Variants in FOXD1 observed in about 807,000 individuals in gnomAD.
FOXD1 encodes the protein forkhead box protein D1.
FOXD1 carries 4 observed loss-of-function variants against 2.0 expected under a neutral mutation model. That is an observed-to-expected ratio of 2.03 (90% CI 1.00 to 4.64). FOXD1 has a LOEUF of 4.64. FOXD1 is among the 30% of genes most tolerant of loss of function. The probability of loss-of-function intolerance (pLI) is 0.01; values close to 1 mark genes in which losing one functional copy is unlikely to be tolerated. For missense variants in FOXD1, 586 were observed against 647.6 expected, an observed-to-expected ratio of 0.90 and a Z score of 1.03; for synonymous variants, 354 against 328.5, an observed-to-expected ratio of 1.08 and a Z score of -0.84.
In FOXD1 at chr5:73,447,531, AGCCGCAGCCGTAGGG is replaced by A. The variant is rs1256021252; in HGVS notation, c.817_831del (p.Pro273_Gly277del). On this transcript the variant is annotated inframe_deletion, in exon 1 of 1. Transcript: ENST00000615637. This position sits in a 1 kb window ranked among gnomAD's most constrained non-coding sequence, Gnocchi z 7.8. ...GCGTAAGGCGGCAGCTGCAGGCCGT[AGCCGCAGCCGTAGGG>A]GCCGTAGCCGTAGGCATGCGGGGGC... 61 of 1,032,534 alleles carry A rather than the reference AGCCGCAGCCGTAGGG, an allele frequency of 5.9e-5. No individual in the cohort carries two copies. The highest frequency in any genetic ancestry group is 6.8e-5 in the Non-Finnish European group (59 of 863,578). The allele number at this position is 1,032,534 out of a possible 1,614,324, so 64.0% of individuals were successfully genotyped here.
chr5:73,447,388 G>A lies in FOXD1; in HGVS notation c.975C>T (p.Thr325=), dbSNP rs1426691538. ...GCGGGTGCGGCCGGTAGCCGAAGGCGGTCCGGGCCAGCTCGGCGGCCGCGC... is the reference window on the plus strand; with the variant it reads ...GCGGGTGCGGCCGGTAGCCGAAGGCAGTCCGGGCCAGCTCGGCGGCCGCGC... ...PHGAAAELAR[T]AFGYRPHPLG... Residue 325 remains threonine, a synonymous_variant, in exon 1 of 1, where the codon ACC becomes ACT. Transcript: ENST00000615637. The surrounding 1 kb of genome is among the most constrained non-coding windows in gnomAD (Gnocchi z 7.8). 6 of 982,854 alleles carry A rather than the reference G, an allele frequency of 6.1e-6. No homozygotes were observed. The South Asian group carries it at 2.7e-4, about 44-fold the overall frequency. 60.9% of individuals were successfully genotyped at this position (982,854 alleles called of 1,614,324 possible). A position where few individuals can be genotyped will look rare whatever the true frequency, so the allele number is the denominator to read the frequency against.
chr5:73,448,091 C>G lies in FOXD1; in HGVS notation c.272G>C (p.Gly91Ala), dbSNP rs748236399. The G allele has an allele frequency of 8.7e-7, 1 of 1,142,864 alleles. No homozygotes were observed. 70.8% of individuals were successfully genotyped at this position (1,142,864 alleles called of 1,614,324 possible). ...TCCTGCCCCCGCCGCCGGGGCCGGGCCCGGGGGCGCCGGGGAGCCCCCAGC... is the reference window on the plus strand; with the variant it reads ...TCCTGCCCCCGCCGCCGGGGCCGGGGCCGGGGGCGCCGGGGAGCCCCCAGC... ...PPAGGSPAPP[G>A]PAPAAGAGAG... Residue 91 changes from glycine to alanine, a missense_variant, in exon 1 of 1, where the codon GGC (glycine) becomes GCC (alanine). Gly to Ala is a moderately conservative substitution (Grantham distance 60). Transcript: ENST00000615637.
chr5:73,447,589 G>A lies in FOXD1; in HGVS notation c.774C>T (p.Phe258=). The change falls in exon 1 of 1, where the codon TTC becomes TTT. Residue 258 remains phenylalanine, a synonymous_variant. Coordinates refer to ENST00000615637, the MANE Select transcript of FOXD1 (RefSeq NM_004472.3). The surrounding 1 kb of genome is among the most constrained non-coding windows in gnomAD (Gnocchi z 7.8). ...GCGGGGGCGGCGGGGGCGCGGGCGG[G>A]AAGAGCGCGGCGGCGGCTGCCGGGT... The part of the protein sequence containing the change: ...AGDPAAAAAL[F]PPAPPPPPHA... 2 of 1,162,026 alleles carry A rather than the reference G, an allele frequency of 1.7e-6. No individual in the cohort carries two copies. The highest frequency in any genetic ancestry group is 1.1e-6 in the Non-Finnish European group (1 of 938,388). The allele number at this position is 1,162,026 out of a possible 1,614,324, so 72.0% of individuals were successfully genotyped here.
chr5:73,446,478 T>C lies in FOXD1; in HGVS notation c.*487A>G, dbSNP rs1334952463. 1 of 156,758 alleles carries C rather than the reference T, an allele frequency of 6.4e-6. No homozygotes were observed. Among genetic ancestry groups the C allele is most frequent in the African/African-American group, 2.4e-5 (1 of 41,474 alleles). The allele number at this position is 156,758 out of a possible 1,614,324, so 9.7% of individuals were successfully genotyped here. On this transcript the variant is annotated 3_prime_UTR_variant, in exon 1 of 1. Coordinates refer to ENST00000615637, the MANE Select transcript of FOXD1 (RefSeq NM_004472.3). ...TTTTCTTGTGTAAACATGTTAACCA[T>C]TTTTCCTTTTCATGAAAAAGTACAC...
chr5:73,447,181 G>C lies in FOXD1; in HGVS notation c.1182C>G (p.Pro394=). 1 of 1,034,982 alleles carries C rather than the reference G, an allele frequency of 9.7e-7. No individual in the cohort carries two copies. Among genetic ancestry groups the C allele is most frequent in the Non-Finnish European group, 1.2e-6 (1 of 865,910 alleles). 64.1% of individuals were successfully genotyped at this position (1,034,982 alleles called of 1,614,324 possible). A position where few individuals can be genotyped will look rare whatever the true frequency, so the allele number is the denominator to read the frequency against. ...GAGCTGGCGGCGCCGCCACCGGCGAGGGCGAGGGCGAGGCCTGAGCGGCGG... is the reference window on the plus strand; with the variant it reads ...GAGCTGGCGGCGCCGCCACCGGCGACGGCGAGGGCGAGGCCTGAGCGGCGG... ...AAAAAQASPS[P]SPVAAPPAPG... is the part of the protein sequence containing the mutation. Residue 394 remains proline, a synonymous_variant, in exon 1 of 1, where the codon CCC becomes CCG. Coordinates refer to ENST00000615637, the MANE Select transcript of FOXD1 (RefSeq NM_004472.3). This position sits in a 1 kb window ranked among gnomAD's most constrained non-coding sequence, Gnocchi z 7.8.
At position 73,447,190 on chromosome 5, in the gene FOXD1, C is replaced by T. The variant is rs1745514785; in HGVS notation, c.1173G>A (p.Ser391=). 9.8e-7 allele frequency: 1 copy of T among 1,019,300 alleles called. No individual in the cohort carries two copies. Among genetic ancestry groups the T allele is most frequent in the Non-Finnish European group, 1.2e-6 (1 of 855,840 alleles). The allele number at this position is 1,019,300 out of a possible 1,614,324, so 63.1% of individuals were successfully genotyped here. Residue 391 remains serine (S), a synonymous_variant, in exon 1 of 1, where the codon TCG becomes TCA. Coordinates refer to ENST00000615637, the MANE Select transcript of FOXD1 (RefSeq NM_004472.3). The surrounding 1 kb of genome is among the most constrained non-coding windows in gnomAD (Gnocchi z 7.8). ...AAQAAAAAQA[S]PSPSPVAAPP... ...GCGCCGCCACCGGCGAGGGCGAGGG[C>T]GAGGCCTGAGCGGCGGCGGCGGCCT... is the stretch of plus-strand genomic sequence containing the variant.
At position 73,446,726 on chromosome 5, in the gene FOXD1, C is replaced by T. The variant is rs1037122698; in HGVS notation, c.*239G>A. 1.6e-5 allele frequency: 7 copies of T among 444,060 alleles called. No homozygotes were observed. The highest frequency in any genetic ancestry group is 4.2e-5 in the African/African-American group (2 of 47,734). 27.5% of individuals were successfully genotyped at this position (444,060 alleles called of 1,614,324 possible). A position where few individuals can be genotyped will look rare whatever the true frequency, so the allele number is the denominator to read the frequency against. On this transcript the variant is annotated 3_prime_UTR_variant, in exon 1 of 1. Transcript: ENST00000615637. Reference sequence around the variant, plus strand: ...CCCGGCACCCTCTTCCTCCCTACCCCAGGTCGGGGGTTGGGGGGCTGTAGC... The same window carrying T: ...CCCGGCACCCTCTTCCTCCCTACCCTAGGTCGGGGGTTGGGGGGCTGTAGC...
In FOXD1 at chr5:73,447,994, C is replaced by T; in HGVS notation, c.369G>A (p.Leu123=). 1 of 1,471,368 alleles carries T rather than the reference C, an allele frequency of 6.8e-7. No homozygotes were observed. Among genetic ancestry groups the T allele is most frequent in the Non-Finnish European group, 9.0e-7 (1 of 1,105,458 alleles). The allele number at this position is 1,471,368 out of a possible 1,614,324, so 91.1% of individuals were successfully genotyped here. A position where few individuals can be genotyped will look rare whatever the true frequency, so the allele number is the denominator to read the frequency against. The part of the protein sequence containing the change: ...GSAGSGAKNP[L]VKPPYSYIAL... ...CGATATACGAGTAGGGCGGCTTCACCAGCGGGTTCTTGGCGCCGCTACCCG... is the reference window on the plus strand; with the variant it reads ...CGATATACGAGTAGGGCGGCTTCACTAGCGGGTTCTTGGCGCCGCTACCCG... Residue 123 remains leucine, a synonymous_variant, in exon 1 of 1, where the codon CTG becomes CTA. Transcript: ENST00000615637. The surrounding 1 kb of genome is among the most constrained non-coding windows in gnomAD (Gnocchi z 7.8).
Position 73,447,982 on chromosome 5 carries a change from G to C in FOXD1, c.381C>G (p.Pro127=), listed in dbSNP as rs770259194. The change falls in exon 1 of 1, where the codon CCC becomes CCG. Residue 127 remains proline (P), a synonymous_variant. Transcript: ENST00000615637. The surrounding 1 kb of genome is among the most constrained non-coding windows in gnomAD (Gnocchi z 7.8). ...SGAKNPLVKP[P]YSYIALITMA... is the part of the protein sequence containing the mutation. ...TAGTGATGAGCGCGATATACGAGTA[G>C]GGCGGCTTCACCAGCGGGTTCTTGG... 14 of 1,514,518 alleles carry C rather than the reference G, an allele frequency of 9.2e-6. No homozygotes were observed. Among genetic ancestry groups the C allele is most frequent in the Middle Eastern group, 1.8e-4 (1 of 5,514 alleles). 93.8% of individuals were successfully genotyped at this position (1,514,518 alleles called of 1,614,324 possible). A position where few individuals can be genotyped will look rare whatever the true frequency, so the allele number is the denominator to read the frequency against.
Position 73,447,060 on chromosome 5 carries a change from A to AGGC in FOXD1, c.1300_1302dup (p.Ala434dup), listed in dbSNP as rs1261592389. 7.3e-5 allele frequency: 110 copies of AGGC among 1,516,580 alleles called. No individual in the cohort carries two copies. Among genetic ancestry groups the AGGC allele is most frequent in the Non-Finnish European group, 9.1e-5 (103 of 1,131,358 alleles). The allele number at this position is 1,516,580 out of a possible 1,614,324, so 93.9% of individuals were successfully genotyped here. A position where few individuals can be genotyped will look rare whatever the true frequency, so the allele number is the denominator to read the frequency against. On this transcript the variant is annotated inframe_insertion, in exon 1 of 1. Coordinates refer to ENST00000615637, the MANE Select transcript of FOXD1 (RefSeq NM_004472.3). This position sits in a 1 kb window ranked among gnomAD's most constrained non-coding sequence, Gnocchi z 7.8. ...AAGGCGGCGGACGAGGAGACTGAGG[A>AGGC]GGCGGCGGCGGCCGCGGCGGCCACG...
Position 73,448,086 on chromosome 5 carries a change from C to A in FOXD1, c.277G>T (p.Ala93Ser). The change falls in exon 1 of 1, where the codon GCC becomes TCC. Residue 93 changes from alanine to serine, a missense_variant. Around this residue, in one of 4 missense-constraint regions of FOXD1, gnomAD observed 183 missense variants for 159.2 expected, o/e 1.15. Coordinates refer to ENST00000615637, the MANE Select transcript of FOXD1 (RefSeq NM_004472.3). The stretch of plus-strand genomic sequence containing the variant: ...CCGGCTCCTGCCCCCGCCGCCGGGG[C>A]CGGGCCCGGGGGCGCCGGGGAGCCC... Reference protein sequence around the residue: ...AGGSPAPPGPAPAAGAGAGGG... With the variant: ...AGGSPAPPGPSPAAGAGAGGG... 1 of 1,127,604 alleles carries A rather than the reference C, an allele frequency of 8.9e-7. No homozygotes were observed. The highest frequency in any genetic ancestry group is 1.1e-6 in the Non-Finnish European group (1 of 920,304). 69.8% of individuals were successfully genotyped at this position (1,127,604 alleles called of 1,614,324 possible).
rs2112139832 is a variant in FOXD1 at position 73,447,663 on chromosome 5, C to T, written c.700G>A (p.Ala234Thr). 1.9e-6 allele frequency: 3 copies of T among 1,575,586 alleles called. No homozygotes were observed. The highest frequency in any genetic ancestry group is 2.2e-4 in the Middle Eastern group (1 of 4,538). ...QPLLPPNAAAAESLLLRGAGA... is the reference protein window; with the variant it reads ...QPLLPPNAAATESLLLRGAGA... Reference sequence around the variant, plus strand: ...GCGCCGCGCAGCAGCAGAGACTCGGCGGCCGCGGCGTTGGGTGGGAGCAGC... The same window carrying T: ...GCGCCGCGCAGCAGCAGAGACTCGGTGGCCGCGGCGTTGGGTGGGAGCAGC... Residue 234 changes from alanine (A) to threonine (T), a missense_variant, in exon 1 of 1, where the codon GCC becomes ACC. Physicochemically the swap from Ala to Thr is moderately conservative, Grantham distance 58 (BLOSUM62 0). This residue lies in a region of FOXD1 where 253 missense variants were observed against 234.4 expected (regional missense o/e 1.08). Transcript: ENST00000615637. The surrounding 1 kb of genome is among the most constrained non-coding windows in gnomAD (Gnocchi z 7.8).
chr5:73,447,686 A>G lies in FOXD1; in HGVS notation c.677T>C (p.Leu226Pro). 6.2e-7 allele frequency: 1 copy of G among 1,601,974 alleles called. No individual in the cohort carries two copies. Among genetic ancestry groups the G allele is most frequent in the Non-Finnish European group, 8.5e-7 (1 of 1,175,448 alleles). Residue 226 changes from leucine to proline, a missense_variant, in exon 1 of 1, where the codon CTG becomes CCG. Around this residue, in one of 4 missense-constraint regions of FOXD1, gnomAD observed 253 missense variants for 234.4 expected, o/e 1.08. Coordinates refer to ENST00000615637, the MANE Select transcript of FOXD1 (RefSeq NM_004472.3). The surrounding 1 kb of genome is among the most constrained non-coding windows in gnomAD (Gnocchi z 7.8). The stretch of plus-strand genomic sequence containing the variant: ...GGCGGCCGCGGCGTTGGGTGGGAGC[A>G]GCGGCTGCCGCTTGAAGCGCTTCCT... ...RRRKRFKRQP[L>P]LPPNAAAAES...
At position 73,447,421 on chromosome 5, in the gene FOXD1, T is replaced by TGGCGGGGGC. The variant is rs1213843994; in HGVS notation, c.933_941dup (p.Pro313_Pro315dup). On this transcript the variant is annotated inframe_insertion, in exon 1 of 1. Coordinates refer to ENST00000615637, the MANE Select transcript of FOXD1 (RefSeq NM_004472.3). This position sits in a 1 kb window ranked among gnomAD's most constrained non-coding sequence, Gnocchi z 7.8. ...CCAGCTCGGCGGCCGCGCCGTGCGGTGGCGGGGGCGGCGGGGGCGAGTGCG... is the reference window on the plus strand; with the variant it reads ...CCAGCTCGGCGGCCGCGCCGTGCGGTGGCGGGGGCGGCGGGGGCGGCGGGGGCGAGTGCG... 18 of 976,656 alleles carry TGGCGGGGGC rather than the reference T, an allele frequency of 1.8e-5. No individual in the cohort carries two copies. Among genetic ancestry groups the TGGCGGGGGC allele is most frequent in the South Asian group, 1.4e-4 (3 of 21,876 alleles). 60.5% of individuals were successfully genotyped at this position (976,656 alleles called of 1,614,324 possible). A position where few individuals can be genotyped will look rare whatever the true frequency, so the allele number is the denominator to read the frequency against.
In FOXD1 at chr5:73,446,551, C is replaced by G; in HGVS notation, c.*414G>C. 1 of 169,258 alleles carries G rather than the reference C, an allele frequency of 5.9e-6. No individual in the cohort carries two copies. Among genetic ancestry groups the G allele is most frequent in the Non-Finnish European group, 1.3e-5 (1 of 78,526 alleles). The allele number at this position is 169,258 out of a possible 1,614,324, so 10.5% of individuals were successfully genotyped here. On this transcript the variant is annotated 3_prime_UTR_variant, in exon 1 of 1. Transcript: ENST00000615637. Reference sequence around the variant, plus strand: ...AAAGAATTGCTTCGCTGGCATTCTTCAAGACCTTTACTATTTTTGTATTAT... The same window carrying G: ...AAAGAATTGCTTCGCTGGCATTCTTGAAGACCTTTACTATTTTTGTATTAT...
In FOXD1 at chr5:73,447,386, G is replaced by A; in HGVS notation, c.977C>T (p.Ala326Val). 1.0e-6 allele frequency: 1 copy of A among 982,928 alleles called. No homozygotes were observed. The highest frequency in any genetic ancestry group is 1.2e-6 in the Non-Finnish European group (1 of 829,698). 60.9% of individuals were successfully genotyped at this position (982,928 alleles called of 1,614,324 possible). A position where few individuals can be genotyped will look rare whatever the true frequency, so the allele number is the denominator to read the frequency against. The change falls in exon 1 of 1, where the codon GCC (alanine) becomes GTC (valine). Residue 326 changes from alanine to valine, a missense_variant. By Grantham distance (64) the Ala-to-Val change is moderately conservative. This residue lies in a region of FOXD1 where 253 missense variants were observed against 234.4 expected (regional missense o/e 1.08). Coordinates refer to ENST00000615637, the MANE Select transcript of FOXD1 (RefSeq NM_004472.3). This position sits in a 1 kb window ranked among gnomAD's most constrained non-coding sequence, Gnocchi z 7.8. ...GAGCGGGTGCGGCCGGTAGCCGAAGGCGGTCCGGGCCAGCTCGGCGGCCGC... is the reference window on the plus strand; with the variant it reads ...GAGCGGGTGCGGCCGGTAGCCGAAGACGGTCCGGGCCAGCTCGGCGGCCGC... ...HGAAAELART[A>V]FGYRPHPLGA...
In FOXD1 at chr5:73,448,037, GCGCCGCCGCCGC is replaced by G; in HGVS notation, c.314_325del (p.Gly105_Gly108del). 18 of 1,293,234 alleles carry G rather than the reference GCGCCGCCGCCGC, an allele frequency of 1.4e-5. No individual in the cohort carries two copies. Among genetic ancestry groups the G allele is most frequent in the Non-Finnish European group, 1.8e-5 (18 of 1,014,154 alleles). 80.1% of individuals were successfully genotyped at this position (1,293,234 alleles called of 1,614,324 possible). On this transcript the variant is annotated inframe_deletion, in exon 1 of 1. Transcript: ENST00000615637. Reference sequence around the variant, plus strand: ...GCTACCCGCGCTCCCGCCGCCGCCCGCGCCGCCGCCGCCGCCGCCCCCACCGGCTCCTGCCCC... The same window carrying G: ...GCTACCCGCGCTCCCGCCGCCGCCCGCGCCGCCCCCACCGGCTCCTGCCCC...
chr5:73,448,038 C>T lies in FOXD1; in HGVS notation c.325G>A (p.Ala109Thr). The change falls in exon 1 of 1, where the codon GCG (alanine) becomes ACG (threonine). Residue 109 changes from alanine to threonine, a missense_variant. By Grantham distance (58) the Ala-to-Thr change is moderately conservative. Coordinates refer to ENST00000615637, the MANE Select transcript of FOXD1 (RefSeq NM_004472.3). ...CTACCCGCGCTCCCGCCGCCGCCCGCGCCGCCGCCGCCGCCGCCCCCACCG... is the reference window on the plus strand; with the variant it reads ...CTACCCGCGCTCCCGCCGCCGCCCGTGCCGCCGCCGCCGCCGCCCCCACCG... Reference protein sequence around the residue: ...GAGGGGGGGGAGGGGSAGSGA... With the variant: ...GAGGGGGGGGTGGGGSAGSGA... 2.5e-6 allele frequency: 3 copies of T among 1,212,996 alleles called. No homozygotes were observed. The highest frequency in any genetic ancestry group is 3.1e-6 in the Non-Finnish European group (3 of 966,374). 75.1% of individuals were successfully genotyped at this position (1,212,996 alleles called of 1,614,324 possible).
chr5:73,448,247 C>A lies in FOXD1; in HGVS notation c.116G>T (p.Gly39Val). The change falls in exon 1 of 1, where the codon GGC becomes GTC. Residue 39 changes from glycine to valine, a missense_variant. Gly to Val is a moderately radical substitution (Grantham distance 109, BLOSUM62 -3). Coordinates refer to ENST00000615637, the MANE Select transcript of FOXD1 (RefSeq NM_004472.3). ...EDEEEEDDDE[G>V]GGGGPRLAVP... ...AGCCAGCCGGGGCCCGCCACCGCCGCCCTCGTCGTCGTCCTCCTCTTCCTC... is the reference window on the plus strand; with the variant it reads ...AGCCAGCCGGGGCCCGCCACCGCCGACCTCGTCGTCGTCCTCCTCTTCCTC... The A allele has an allele frequency of 4.0e-6, 6 of 1,483,224 alleles. No individual in the cohort carries two copies. The highest frequency in any genetic ancestry group is 5.4e-6 in the Non-Finnish European group (6 of 1,110,136). The allele number at this position is 1,483,224 out of a possible 1,614,324, so 91.9% of individuals were successfully genotyped here. A position where few individuals can be genotyped will look rare whatever the true frequency, so the allele number is the denominator to read the frequency against.
Sources: allele counts gnomAD v4.1 joint callset, GRCh38; gene constraint gnomAD v4.1.1; regional missense constraint gnomAD v4.1.1; non-coding constraint Gnocchi (gnomAD v3.1); transcripts MANE v1.5; gene names NCBI Gene and HGNC (gene_info 2026-07-23, HGNC 2026-07-21).